The following EFCAB13 variants were observed in gnomAD, a reference collection of about 807,000 sequenced individuals.
EFCAB13 encodes EF-hand calcium binding domain 13.
A neutral mutation model predicts 110.2 loss-of-function variants in EFCAB13; 91 were observed. That is an observed-to-expected ratio of 0.83 (90% CI 0.70 to 0.98). EFCAB13 has a LOEUF of 0.98. EFCAB13 is among the 50% of genes least tolerant of loss of function. The probability of loss-of-function intolerance (pLI) is 0.00; values close to 1 mark genes in which losing one functional copy is unlikely to be tolerated. For synonymous variants in EFCAB13, 323 were observed against 369.9 expected (o/e 0.87, Z 1.45); for missense variants, 968 against 1,119.4 (o/e 0.86, Z 1.93).
intron 4 of EFCAB13, among the ~76,000 whole-genome samples, chr17:47,332,843 C>T (rs566819998): frequency 1.3e-5 from 2 of 152,222 alleles, no homozygotes; most frequent in South Asian, 4.1e-4. Context: ...ACTTTTATAT[C>T]TTGGCTATTG....
intron 4 of EFCAB13, among the ~76,000 whole-genome samples, chr17:47,328,601 G>T (rs1266282934): frequency 6.6e-6 from 1 of 152,198 alleles, no homozygotes; most frequent in African/African-American, 2.4e-5. Context: ...TGTGGTGTAT[G>T]ATGAGAGTAT....
intron 4 of EFCAB13, among the ~76,000 whole-genome samples, chr17:47,332,007 TGA>T (rs1471120511): frequency 1.3e-5 from 2 of 152,212 alleles, no homozygotes; most frequent in Non-Finnish European, 2.9e-5. Flanking sequence ...TTGGCAATTA[TGA>T]GTACAGCTGC....
chr17:47,383,260 T>C (rs1477673651), intron 14 of EFCAB13, among the ~76,000 whole-genome samples: 2 of 152,196 alleles, frequency 1.3e-5, no homozygotes, highest in Non-Finnish European at 2.9e-5. Context: ...TTTGAAGTAC[T>C]CTTCATGTCT....
At chr17:47,394,793 AAG>A (rs2065728198) in intron 16 of EFCAB13, among the ~76,000 whole-genome samples, 1 of 152,190 alleles carries the variant, frequency 6.6e-6, no homozygotes, top group African/African-American at 2.4e-5. Flanking sequence ...CATACAGAGA[AAG>A]AGATTGTCAG....
At chr17:47,398,452 G>A (rs1004231993) in intron 17 of EFCAB13, among the ~76,000 whole-genome samples, 16 of 151,258 alleles carry the variant, frequency 1.1e-4, no homozygotes, top group East Asian at 3.9e-4. Context: ...TTGAGAAATC[G>A]GATGGTTGCC....
At chr17:47,327,327 G>A (rs1270485571) in intron 3 of EFCAB13, among the ~76,000 whole-genome samples, 1 of 151,088 alleles carries the variant, frequency 6.6e-6, no homozygotes, top group Non-Finnish European at 1.5e-5. Context: ...ACCACACTCG[G>A]CTAATTTTTG....
chr17:47,396,216 C>T (rs1190357277), intron 17 of EFCAB13, among the ~76,000 whole-genome samples: 2 of 151,832 alleles, frequency 1.3e-5, no homozygotes, highest in Non-Finnish European at 2.9e-5. Flanking sequence ...CATTGAGTAC[C>T]TTCAAGTTGT....
chr17:47,364,503 G>C (rs2065534791), intron 10 of EFCAB13, among the ~76,000 whole-genome samples: 1 of 152,072 alleles, frequency 6.6e-6, no homozygotes, highest in Non-Finnish European at 1.5e-5. Flanking sequence ...AGTAGAGACA[G>C]GGTTTCACCA....
chr17:47,355,570 A>ATTTTTTTTTT (rs71365066), intron 9 of EFCAB13, among the ~76,000 whole-genome samples: 1 of 120,346 alleles, frequency 8.3e-6, no homozygotes, highest in Non-Finnish European at 1.7e-5. Flanking sequence ...GGCTTTGTTC[A>ATTTTTTTTTT]TTTTTTTTTT....
chr17:47,378,641 T>C (rs1016933098), intron 13 of EFCAB13, among the ~76,000 whole-genome samples: 9 of 152,150 alleles, frequency 5.9e-5, no homozygotes, highest in Admixed American at 5.9e-4. Context: ...CCCTTTTTGC[T>C]GCTTATCAGG....
intron 12 of EFCAB13, among the ~76,000 whole-genome samples, chr17:47,376,584 T>C (rs11869353): frequency 0.023 from 3,456 of 152,318 alleles, 105 homozygotes; most frequent in East Asian, 0.18. Context: ...ATTCTAACTT[T>C]TCATTTTTAA....
chr17:47,342,180 TCTC>T, intron 6 of EFCAB13, 148 bp downstream of exon 6: 1 of 491,774 alleles, frequency 2.0e-6, no homozygotes, highest in East Asian at 3.6e-5. Context: ...TGTTCTTAAT[TCTC>T]CTTTTTCTTC....
intron 23 of EFCAB13, among the ~76,000 whole-genome samples, chr17:47,418,527 TGTTA>T (rs756081053): frequency 2.6e-5 from 4 of 152,230 alleles, no homozygotes; most frequent in South Asian, 4.1e-4. Context: ...TTTCACATTT[TGTTA>T]GTTGTCTTTT....
intron 14 of EFCAB13, among the ~76,000 whole-genome samples, chr17:47,382,125 A>G (rs1167015205): frequency 6.6e-6 from 1 of 152,084 alleles, no homozygotes; most frequent in East Asian, 1.9e-4. Context: ...GCAACTGTAA[A>G]TGGGAGTTCA....
chr17:47,422,672 A>G (rs1224399821), intron 23 of EFCAB13, among the ~76,000 whole-genome samples: 1 of 152,220 alleles, frequency 6.6e-6, no homozygotes, highest in Non-Finnish European at 1.5e-5. Context: ...GTAAACATTT[A>G]GGAGTAACTA....
chr17:47,421,629 A>AAAAAAT, intron 23 of EFCAB13, among the ~76,000 whole-genome samples: 1 of 89,470 alleles, frequency 1.1e-5, no homozygotes, highest in East Asian at 2.8e-4. Context: ...AGCAATAAAA[A>AAAAAAT]AAAGAAAGAA....
chr17:47,376,295 T>C (rs1165623212), intron 12 of EFCAB13, among the ~76,000 whole-genome samples: 1 of 152,158 alleles, frequency 6.6e-6, no homozygotes, highest in Non-Finnish European at 1.5e-5. Flanking sequence ...TGTGCCTCAT[T>C]TGAATTTCTG....
At chr17:47,414,180 A>G (rs560460442) in intron 22 of EFCAB13, among the ~76,000 whole-genome samples, 3 of 152,248 alleles carry the variant, frequency 2.0e-5, no homozygotes, top group South Asian at 2.1e-4. Flanking sequence ...TAATATAATT[A>G]TAGCCCTAGA....
intron 9 of EFCAB13, among the ~76,000 whole-genome samples, chr17:47,351,325 G>GCA (rs1340706457): frequency 4.0e-5 from 6 of 150,630 alleles, no homozygotes; most frequent in Non-Finnish European, 5.9e-5. Flanking sequence ...GCGCGCGCGC[G>GCA]CGCCACGTTT....
Sources: allele counts gnomAD v4.1 joint callset (sites outside exome capture counted in the v4.1 genomes callset), GRCh38; gene constraint gnomAD v4.1.1; transcripts MANE v1.5; gene names NCBI Gene and HGNC (gene_info 2026-07-23, HGNC 2026-07-21).